Variants in SPATS2 observed in about 807,000 individuals in gnomAD.
SPATS2 encodes spermatogenesis associated serine rich 2, also known as spermatogenesis-associated serine-rich protein 2.
Under a neutral mutation model 63.7 loss-of-function variants are expected in SPATS2, and 38 were observed. The ratio of observed to expected loss-of-function variants is 0.60; its 90% confidence interval spans 0.46 to 0.78. The LOEUF (loss-of-function observed/expected upper bound fraction) is 0.78, where lower values mean the gene tolerates loss of function less well. SPATS2 is among the 30% of genes least tolerant of loss of function. The pLI, the probability that SPATS2 is intolerant of heterozygous loss-of-function variation, is 0.00. For synonymous variants in SPATS2, 207 were observed against 232.9 expected (o/e 0.89, Z 1.01); for missense variants, 588 against 666.2 (o/e 0.88, Z 1.29).
At chr12:49,467,820 C>G (rs1490591828) in intron 3 of SPATS2, among the ~76,000 whole-genome samples, 1 of 152,064 alleles carries the variant, frequency 6.6e-6, no homozygotes, top group Non-Finnish European at 1.5e-5. Context: ...TCTCCTGCCT[C>G]AGCCTCCTGA....
At chr12:49,449,073 C>T (rs771312102) in intron 2 of SPATS2, among the ~76,000 whole-genome samples, 1 of 152,228 alleles carries the variant, frequency 6.6e-6, no homozygotes, top group Non-Finnish European at 1.5e-5. Flanking sequence ...CTGACTTTGG[C>T]CCTTGGGCCA....
chr12:49,407,696 T>G (rs1324486343), intron 2 of SPATS2, among the ~76,000 whole-genome samples: 1 of 152,220 alleles, frequency 6.6e-6, no homozygotes, highest in Non-Finnish European at 1.5e-5. Flanking sequence ...TATCTGGATC[T>G]GATAGGCTCT....
At chr12:49,517,549 A>G (rs919867385) in intron 10 of SPATS2, among the ~76,000 whole-genome samples, 2 of 152,188 alleles carry the variant, frequency 1.3e-5, no homozygotes, top group East Asian at 1.9e-4. Flanking sequence ...CAGAAAATGA[A>G]AAGTACAGAG....
At chr12:49,510,739 A>G (rs972774660) in intron 9 of SPATS2, among the ~76,000 whole-genome samples, 1 of 152,156 alleles carries the variant, frequency 6.6e-6, no homozygotes, top group Admixed American at 6.5e-5. Context: ...GTTATAAACA[A>G]ATAATTAACA....
intron 8 of SPATS2, among the ~76,000 whole-genome samples, chr12:49,498,144 AAATAT>A (rs1271862674): frequency 2.3e-4 from 26 of 112,094 alleles, no homozygotes; most frequent in African/African-American, 6.8e-4. Flanking sequence ...AAAAAAAAAA[AAATAT>A]ATATATATAT....
At chr12:49,383,163 G>A (rs868847643) in intron 2 of SPATS2, among the ~76,000 whole-genome samples, 6 of 151,454 alleles carry the variant, frequency 4.0e-5, no homozygotes, top group South Asian at 2.1e-4. Flanking sequence ...GATTACAGGC[G>A]CACACCACCA....
At chr12:49,517,449 GT>G (rs1211080082) in intron 10 of SPATS2, among the ~76,000 whole-genome samples, 2 of 152,196 alleles carry the variant, frequency 1.3e-5, no homozygotes, top group African/African-American at 4.8e-5. Flanking sequence ...ATTCCTCAGT[GT>G]GTTACAGGAT....
At position 49,522,773 on chromosome 12, in the gene SPATS2, A is replaced by G. The variant is rs1450325864; in HGVS notation, c.1031A>G (p.Tyr344Cys). ...CAGCACTTTGTTAGTGAACGTAAAT[A>G]TGATGAGGATCTGGGACGAGTAGCC... ...DIKHFVSERK[Y>C]DEDLGRVARF... is the part of the protein sequence containing the mutation. Residue 344 changes from tyrosine to cysteine, a missense_variant, in exon 12 of 14, where the codon TAT (tyrosine) becomes TGT (cysteine). Physicochemically the swap from Tyr to Cys is radical, Grantham distance 194 (BLOSUM62 -2). Coordinates refer to ENST00000552918, the MANE Select transcript of SPATS2 (RefSeq NM_023071.4). The G allele has an allele frequency of 1.2e-6, 2 of 1,613,776 alleles. No individual in the cohort carries two copies. The highest frequency in any genetic ancestry group is 1.7e-5 in the Admixed American group (1 of 60,018).
At chr12:49,441,858 A>G (rs1229929862) in intron 2 of SPATS2, 1 of 152,160 alleles carries the variant, frequency 6.6e-6, no homozygotes, top group African/African-American at 2.4e-5. Flanking sequence ...TATACACAAC[A>G]TATGCAAATT....
intron 2 of SPATS2, among the ~76,000 whole-genome samples, chr12:49,393,738 T>C (rs929363417): frequency 6.6e-6 from 1 of 152,250 alleles, no homozygotes; most frequent in African/African-American, 2.4e-5. Context: ...TTTGTCCTTT[T>C]GATGTGACCC....
chr12:49,402,306 T>A (rs1944619050), intron 2 of SPATS2, among the ~76,000 whole-genome samples: 1 of 152,228 alleles, frequency 6.6e-6, no homozygotes, highest in African/African-American at 2.4e-5. Context: ...ATTATAATGA[T>A]GGACCTTGAA....
intron 9 of SPATS2, among the ~76,000 whole-genome samples, chr12:49,509,956 T>G (rs1459160476): frequency 2.0e-5 from 3 of 151,972 alleles, no homozygotes; most frequent in African/African-American, 7.3e-5. Flanking sequence ...TTAGTGGAAT[T>G]AGAATGAATA....
intron 6 of SPATS2, among the ~76,000 whole-genome samples, chr12:49,492,036 G>A (rs1305813980): frequency 6.6e-6 from 1 of 152,074 alleles, no homozygotes. Context: ...ACAAAAACCA[G>A]GCTTGGCCTC....
At chr12:49,406,314 T>G (rs530080276) in intron 2 of SPATS2, among the ~76,000 whole-genome samples, 2 of 152,112 alleles carry the variant, frequency 1.3e-5, no homozygotes, top group African/African-American at 4.8e-5. Context: ...ACAGGGTCTC[T>G]TGCTCTGTTA....
chr12:49,468,391 C>G (rs1945968392), intron 3 of SPATS2, among the ~76,000 whole-genome samples: 1 of 152,106 alleles, frequency 6.6e-6, no homozygotes, highest in Non-Finnish European at 1.5e-5. Context: ...AACTCCTGAC[C>G]TCAGGCTATC....
intron 4 of SPATS2, among the ~76,000 whole-genome samples, chr12:49,485,074 T>TGTTGTTGTTGTTG (rs1234493129): frequency 2.0e-5 from 3 of 151,638 alleles, no homozygotes; most frequent in Admixed American, 6.6e-5. Context: ...GGTCTTTTTT[T>TGTTGTTGTTGTTG]TTTTTTTTTT....
intron 11 of SPATS2, among the ~76,000 whole-genome samples, chr12:49,522,493 T>A (rs998744712): frequency 6.6e-6 from 1 of 152,236 alleles, no homozygotes; most frequent in Non-Finnish European, 1.5e-5. Flanking sequence ...TTTTTCTTTC[T>A]CTGTAGTTTC....
chr12:49,487,380 A>C (rs1361613883), intron 4 of SPATS2, among the ~76,000 whole-genome samples: 1 of 151,998 alleles, frequency 6.6e-6, no homozygotes, highest in African/African-American at 2.4e-5. Flanking sequence ...AATCCCAGCT[A>C]CCTGGGAGAC....
At chr12:49,387,255 A>G (rs898107306) in intron 2 of SPATS2, 1 of 152,302 alleles carries the variant, frequency 6.6e-6, no homozygotes, top group Non-Finnish European at 1.5e-5. Flanking sequence ...AGATGCTGAA[A>G]ATGTAGGGAA....
Sources: allele counts gnomAD v4.1 joint callset (sites outside exome capture counted in the v4.1 genomes callset), GRCh38; gene constraint gnomAD v4.1.1; transcripts MANE v1.5; gene names NCBI Gene and HGNC (gene_info 2026-07-23, HGNC 2026-07-21).